The following HSBP1L1 variants were observed in gnomAD, a reference collection of about 807,000 sequenced individuals.
HSBP1L1 encodes heat shock factor binding protein 1 like 1, also known as heat shock factor-binding protein 1-like protein 1.
HSBP1L1 carries 8 observed loss-of-function variants against 9.7 expected under a neutral mutation model. That is an observed-to-expected ratio of 0.82 (90% CI 0.48 to 1.48). The LOEUF is 1.48. Among genes scored for constraint, HSBP1L1 ranks in the 40% most tolerant of loss-of-function variants. The pLI is 0.00. For synonymous variants in HSBP1L1, 39 were observed against 34.4 expected, an observed-to-expected ratio of 1.13 and a Z score of -0.46; for missense variants, 106 against 95.8, an observed-to-expected ratio of 1.11 and a Z score of -0.44.
chr18:79,970,110 C>T, intron 3 of HSBP1L1: 1 of 258,788 alleles, frequency 3.9e-6, no homozygotes, highest in Non-Finnish European at 7.8e-6. Flanking sequence ...CAAGGCTTGG[C>T]AGCCATGCAG....
At position 79,966,638 on chromosome 18, in the gene HSBP1L1, G is replaced by T. The variant is rs770767293; in HGVS notation, c.78G>T (p.Gln26His). The change falls in exon 2 of 4, where the codon CAG (glutamine) becomes CAT (histidine). Residue 26 changes from glutamine to histidine, a missense_variant. Transcript: ENST00000451882. ...CAGAAAATCTATTTCAGGAACTTCA[G>T]GAACATTTTCAAGCTCTGACGGCAA... ...DAAENLFQEL[Q>H]EHFQALTATL... 3 of 1,550,336 alleles carry T rather than the reference G, an allele frequency of 1.9e-6. No individual in the cohort carries two copies. Among genetic ancestry groups the T allele is most frequent in the Non-Finnish European group, 2.6e-6 (3 of 1,146,228 alleles).
chr18:79,970,177 C>A, intron 3 of HSBP1L1: 1 of 409,954 alleles, frequency 2.4e-6, no homozygotes, highest in Non-Finnish European at 4.6e-6. Context: ...GAAATCTAAG[C>A]TTTAGTTTTC....
chr18:79,969,343 GAA>G (rs1335922816), intron 3 of HSBP1L1, among the ~76,000 whole-genome samples: 2 of 26,818 alleles, frequency 7.5e-5, no homozygotes, highest in East Asian at 2.1e-3. Flanking sequence ...AAGAAAGAAA[GAA>G]AGAAAGAAAG....
At chr18:79,967,457 A>G (rs577947123) in intron 2 of HSBP1L1, 3 of 152,346 alleles carry the variant, frequency 2.0e-5, no homozygotes, top group East Asian at 1.9e-4. Context: ...GCAAATCTAG[A>G]TAAGGGTCAC....
At position 79,970,650 on chromosome 18, in the gene HSBP1L1, C is replaced by T. The variant is rs542811130; in HGVS notation, c.*199C>T. 7.6e-5 allele frequency: 42 copies of T among 555,426 alleles called. 1 individual carries two copies. Among genetic ancestry groups the T allele is most frequent in the Admixed American group, 3.9e-4 (13 of 33,334 alleles). 34.4% of individuals were successfully genotyped at this position (555,426 alleles called of 1,614,324 possible). A position where few individuals can be genotyped will look rare whatever the true frequency, so the allele number is the denominator to read the frequency against. On this transcript the variant is annotated 3_prime_UTR_variant, in exon 4 of 4. Transcript: ENST00000451882. ...AGGAGAGCCCTCCCCAGAAATCACA[C>T]GGACCAGCACCTTGATCTGGGACTT...
rs2051291479 is a variant in HSBP1L1, at chr18:79,970,601, GAGA to G, written c.*153_*155del. ...TGCTCTCCCCTCCGTGCCTGCACCA[GAGA>G]AGGAGGCCATCGGCAAGCCAAGGAG... On this transcript the variant is annotated 3_prime_UTR_variant, in exon 4 of 4. Transcript: ENST00000451882. 1.1e-5 allele frequency: 7 copies of G among 626,614 alleles called. No homozygotes were observed. The highest frequency in any genetic ancestry group is 2.4e-5 in the Admixed American group (1 of 42,262). The allele number at this position is 626,614 out of a possible 1,614,324, so 38.8% of individuals were successfully genotyped here.
At chr18:79,970,277 G>A (rs2051288172) in intron 3 of HSBP1L1, 163 bp from the exon 4 acceptor site, 4 of 606,376 alleles carry the variant, frequency 6.6e-6, no homozygotes, top group Non-Finnish European at 1.2e-5. Context: ...GTAGACAGCA[G>A]GTACATAATG....
At chr18:79,970,202 T>C (rs925458135) in intron 3 of HSBP1L1, 6 of 462,898 alleles carry the variant, frequency 1.3e-5, no homozygotes, top group African/African-American at 1.9e-5. Context: ...CTGCCAAATA[T>C]CTACCTGGTA....
At position 79,970,608 on chromosome 18, in the gene HSBP1L1, A is replaced by C. The variant is rs573966627; in HGVS notation, c.*157A>C. ...CCCTCCGTGCCTGCACCAGAGAAGG[A>C]GGCCATCGGCAAGCCAAGGAGAGCC... On this transcript the variant is annotated 3_prime_UTR_variant, in exon 4 of 4. Coordinates refer to ENST00000451882, the MANE Select transcript of HSBP1L1 (RefSeq NM_001136180.2). The C allele has an allele frequency of 2.1e-5, 13 of 623,670 alleles. No homozygotes were observed. Among genetic ancestry groups the C allele is most frequent in the African/African-American group, 1.1e-4 (6 of 54,822 alleles). 38.6% of individuals were successfully genotyped at this position (623,670 alleles called of 1,614,324 possible). A position where few individuals can be genotyped will look rare whatever the true frequency, so the allele number is the denominator to read the frequency against.
At chr18:79,969,568 T>G (rs12607328) in intron 3 of HSBP1L1, among the ~76,000 whole-genome samples, 17,215 of 152,160 alleles carry the variant, frequency 0.11, 1,167 homozygotes, top group East Asian at 0.27. Context: ...ATGGCAGTGC[T>G]CTGATTCTGC....
chr18:79,966,776 T>C, intron 2 of HSBP1L1, 98 bp downstream of exon 2: 1 of 878,624 alleles, frequency 1.1e-6, no homozygotes, highest in African/African-American at 1.7e-5. Context: ...GGTAATAGTT[T>C]ACTTAGGATT....
intron 1 of HSBP1L1, 99 bp downstream of exon 1, chr18:79,964,885 G>T (rs1259720367): frequency 1.8e-6 from 1 of 554,784 alleles, no homozygotes; most frequent in Non-Finnish European, 2.7e-6. Flanking sequence ...GGTGCTGGGG[G>T]TGCCCTGCGG....
chr18:79,966,611 G>T lies in HSBP1L1; in HGVS notation c.52-1G>T. On this transcript the variant is annotated splice_acceptor_variant, in intron 1 of 3. Coordinates refer to ENST00000451882, the MANE Select transcript of HSBP1L1 (RefSeq NM_001136180.2). LOFTEE classifies it high-confidence loss of function. ...AATTGTCTTACGGTTTATTTTTTCA[G>T]GCAGAAAATCTATTTCAGGAACTTC... The T allele has an allele frequency of 6.5e-6, 10 of 1,546,486 alleles. No individual in the cohort carries two copies. Among genetic ancestry groups the T allele is most frequent in the Non-Finnish European group, 8.7e-6 (10 of 1,144,020 alleles).
At chr18:79,966,759 A>T in intron 2 of HSBP1L1, 81 bp downstream of exon 2, 1 of 998,626 alleles carries the variant, frequency 1.0e-6, no homozygotes, top group Non-Finnish European at 1.5e-6. Context: ...GTTGTCTGGT[A>T]GTAGTAGGTA....
Position 79,964,748 on chromosome 18 carries a change from G to A in HSBP1L1, c.13G>A (p.Gly5Ser), listed in dbSNP as rs988288182. The A allele has an allele frequency of 5.6e-6, 8 of 1,418,462 alleles. No homozygotes were observed. In the Admixed American group the frequency reaches 2.3e-4, roughly 41 times the overall value. The allele number at this position is 1,418,462 out of a possible 1,614,324, so 87.9% of individuals were successfully genotyped here. Residue 5 changes from glycine to serine, a missense_variant, in exon 1 of 4, where the codon GGC becomes AGC. Gly to Ser is a moderately conservative substitution (Grantham distance 56). Transcript: ENST00000451882. ...GCCAGCGGTCCACATGGACGTGCGG[G>A]GCCCTGAAGCCCCCGGCGGGCGCGC... is the stretch of plus-strand genomic sequence containing the variant. MDVRGPEAPGGRALR... is the reference protein window; with the variant it reads MDVRSPEAPGGRALR...
In HSBP1L1 at chr18:79,964,765, C is replaced by A; in HGVS notation, c.30C>A (p.Gly10=). 1 of 1,408,372 alleles carries A rather than the reference C, an allele frequency of 7.1e-7. No homozygotes were observed. The highest frequency in any genetic ancestry group is 9.2e-7 in the Non-Finnish European group (1 of 1,082,470). The allele number at this position is 1,408,372 out of a possible 1,614,324, so 87.2% of individuals were successfully genotyped here. The change falls in exon 1 of 4, where the codon GGC becomes GGA. Residue 10 remains glycine (G), a synonymous_variant. Coordinates refer to ENST00000451882, the MANE Select transcript of HSBP1L1 (RefSeq NM_001136180.2). MDVRGPEAP[G]GRALRDAAEN... ...ACGTGCGGGGCCCTGAAGCCCCCGG[C>A]GGGCGCGCGCTGCGGGACGCGGTGA...
At chr18:79,968,978 T>G in intron 3 of HSBP1L1, among the ~76,000 whole-genome samples, 1 of 139,896 alleles carries the variant, frequency 7.1e-6, no homozygotes, top group Non-Finnish European at 1.5e-5. Context: ...GGTCAGGAGA[T>G]CGAGACCATC....
In HSBP1L1 at chr18:79,964,780, G is replaced by A. The variant is rs1372976499; in HGVS notation, c.45G>A (p.Arg15=). Residue 15 remains arginine (R), a synonymous_variant, in exon 1 of 4, where the codon CGG becomes CGA. Coordinates refer to ENST00000451882, the MANE Select transcript of HSBP1L1 (RefSeq NM_001136180.2). ...AAGCCCCCGGCGGGCGCGCGCTGCG[G>A]GACGCGGTGAGCCCCTCCCCGACTC... ...GPEAPGGRAL[R]DAAENLFQEL... is the part of the protein sequence containing the mutation. 2.2e-6 allele frequency: 3 copies of A among 1,395,326 alleles called. No individual in the cohort carries two copies. The highest frequency in any genetic ancestry group is 1.5e-5 in the African/African-American group (1 of 66,018). The allele number at this position is 1,395,326 out of a possible 1,614,324, so 86.4% of individuals were successfully genotyped here.
In HSBP1L1 at chr18:79,964,716, G is replaced by C. The variant is rs1568355082; in HGVS notation, c.-20G>C. 2 of 1,391,978 alleles carry C rather than the reference G, an allele frequency of 1.4e-6. No homozygotes were observed. Among genetic ancestry groups the C allele is most frequent in the Non-Finnish European group, 1.9e-6 (2 of 1,068,114 alleles). 86.2% of individuals were successfully genotyped at this position (1,391,978 alleles called of 1,614,324 possible). On this transcript the variant is annotated 5_prime_UTR_variant, in exon 1 of 4. Coordinates refer to ENST00000451882, the MANE Select transcript of HSBP1L1 (RefSeq NM_001136180.2). ...GCGGCCCACGGGACCCCCCACTGAC[G>C]CCCCCGGCCAGCGGTCCACATGGAC...
Sources: allele counts gnomAD v4.1 joint callset (sites outside exome capture counted in the v4.1 genomes callset), GRCh38; gene constraint gnomAD v4.1.1; transcripts MANE v1.5; gene names NCBI Gene and HGNC (gene_info 2026-07-23, HGNC 2026-07-21).